GLG1: variants seen among roughly 807,000 people sequenced by gnomAD.
GLG1 encodes the protein golgi glycoprotein 1, also known as Golgi apparatus protein 1.
GLG1 carries 38 observed loss-of-function variants against 160.5 expected under a neutral mutation model. That is an observed-to-expected ratio of 0.24 (90% CI 0.18 to 0.31). The LOEUF (loss-of-function observed/expected upper bound fraction) is 0.31, where lower values mean the gene tolerates loss of function less well. Among genes scored for constraint, GLG1 ranks in the 10% least tolerant of loss-of-function variants. The pLI is 1.00. For synonymous variants in GLG1, 644 were observed against 543.4 expected (o/e 1.19, Z -2.57); for missense variants, 1,373 against 1,505.2 (o/e 0.91, Z 1.45).
intron 2 of GLG1, among the ~76,000 whole-genome samples, chr16:74,515,575 A>G (rs988397979): frequency 1.3e-5 from 2 of 151,894 alleles, no homozygotes; most frequent in Non-Finnish European, 2.9e-5. Context: ...GAAGGCAGGG[A>G]TAGCATTAGG....
chr16:74,549,629 A>G lies in GLG1; in HGVS notation c.439-17476T>C, dbSNP rs550817570. ...ATACATAGTGCCTAGCACAGCTAGCATAGCACGTTCAATATTTGCTCCAAG... is the reference window on the plus strand; with the variant it reads ...ATACATAGTGCCTAGCACAGCTAGCGTAGCACGTTCAATATTTGCTCCAAG... On this transcript the variant is annotated intron_variant, in intron 1 of 25. Coordinates refer to ENST00000422840, the MANE Select transcript of GLG1 (RefSeq NM_001145667.2). 2.6e-5 allele frequency among the ~76,000 whole-genome samples: 4 copies of G among 152,226 alleles called. No individual in the cohort carries two copies. In the East Asian group the frequency reaches 5.8e-4, roughly 22 times the overall value.
intron 25 of GLG1, among the ~76,000 whole-genome samples, chr16:74,456,244 C>G (rs1356916082): frequency 6.6e-6 from 1 of 152,240 alleles, no homozygotes; most frequent in Non-Finnish European, 1.5e-5. Flanking sequence ...AGGGCCCTGG[C>G]AAAGCCTTGC....
intron 12 of GLG1, among the ~76,000 whole-genome samples, chr16:74,475,590 T>C (rs1374825517): frequency 6.6e-6 from 1 of 152,228 alleles, no homozygotes; most frequent in East Asian, 1.9e-4. Context: ...TCTGTAGCAT[T>C]AGTCTATTAC....
intron 2 of GLG1, among the ~76,000 whole-genome samples, chr16:74,524,964 G>A (rs2017289682): frequency 6.6e-6 from 1 of 152,162 alleles, no homozygotes; most frequent in African/African-American, 2.4e-5. Context: ...GTTCATCCAT[G>A]TTGTAACATG....
chr16:74,452,362 C>T lies in GLG1; in HGVS notation c.*805G>A. The T allele has an allele frequency of 3.7e-6, 5 of 1,356,378 alleles. No homozygotes were observed. Among genetic ancestry groups the T allele is most frequent in the Non-Finnish European group, 4.8e-6 (5 of 1,050,080 alleles). The allele number at this position is 1,356,378 out of a possible 1,614,324, so 84.0% of individuals were successfully genotyped here. A position where few individuals can be genotyped will look rare whatever the true frequency, so the allele number is the denominator to read the frequency against. On this transcript the variant is annotated 3_prime_UTR_variant, in exon 26 of 26. Coordinates refer to ENST00000422840, the MANE Select transcript of GLG1 (RefSeq NM_001145667.2). ...TGCTGCCCCGGGACTCAGGATCCAG[C>T]CTCTCAGTGCAGATGGATGGACTGT...
chr16:74,530,477 C>A (rs1294249176), intron 2 of GLG1, among the ~76,000 whole-genome samples: 1 of 152,132 alleles, frequency 6.6e-6, no homozygotes, highest in African/African-American at 2.4e-5. Context: ...AAAGCAGCCA[C>A]TGGCAATACA....
intron 3 of GLG1, among the ~76,000 whole-genome samples, chr16:74,508,088 G>A (rs2016678495): frequency 6.6e-6 from 1 of 151,988 alleles, no homozygotes; most frequent in Admixed American, 6.6e-5. Context: ...ATGACACAAG[G>A]AACACAGGCT....
intron 13 of GLG1, chr16:74,472,715 G>C (rs2015250041): frequency 2.0e-6 from 1 of 501,602 alleles, no homozygotes; most frequent in Non-Finnish European, 3.6e-6. Context: ...CAAAGCCTTT[G>C]CAGATTTTCC....
At chr16:74,481,083 T>G (rs554827587) in intron 10 of GLG1, among the ~76,000 whole-genome samples, 1 of 152,192 alleles carries the variant, frequency 6.6e-6, no homozygotes, top group Non-Finnish European at 1.5e-5. Flanking sequence ...ACTTTTTACT[T>G]AATACTTTTT....
At position 74,553,594 on chromosome 16, in the gene GLG1, T is replaced by C. The variant is rs1204556948; in HGVS notation, c.439-21441A>G. On this transcript the variant is annotated intron_variant, in intron 1 of 25. Transcript: ENST00000422840. ...TTCACACCATTCTCCTGCCTCAGCC[T>C]CCCGAGTAGCTGGGACTACAGGTGC... Among the ~76,000 whole-genome samples the C allele has an allele frequency of 2.0e-5, 3 of 146,944 alleles. No individual in the cohort carries two copies. In the Admixed American group the frequency reaches 2.1e-4, roughly 10 times the overall value.
At chr16:74,495,072 A>T (rs2016136236) in intron 5 of GLG1, among the ~76,000 whole-genome samples, 1 of 151,196 alleles carries the variant, frequency 6.6e-6, no homozygotes, top group Non-Finnish European at 1.5e-5. Flanking sequence ...TATTTTGTTA[A>T]TTAGGGAACC....
At position 74,509,163 on chromosome 16, in the gene GLG1, ATTTTTTTT is replaced by A. The variant is rs11295055; in HGVS notation, c.472-246_472-239del. ...TTTTTGTCGTTTTTACTAAAGGACA[ATTTTTTTT>A]TTTTTTTTTTTTTTTTTTGAGACAG... On this transcript the variant is annotated intron_variant, in intron 2 of 25. Transcript: ENST00000422840. Among the ~76,000 whole-genome samples, 13 of 89,614 alleles carry A rather than the reference ATTTTTTTT, an allele frequency of 1.5e-4. No individual in the cohort carries two copies. In the South Asian group the frequency reaches 1.5e-3, roughly 10 times the overall value. 58.8% of individuals were successfully genotyped at this position (89,614 alleles called of 152,430 possible).
intron 2 of GLG1, among the ~76,000 whole-genome samples, chr16:74,520,412 G>A (rs978369409): frequency 6.6e-6 from 1 of 152,140 alleles, no homozygotes; most frequent in African/African-American, 2.4e-5. Flanking sequence ...CGAGGTGTGT[G>A]GATTACCTGA....
chr16:74,492,862 T>G, intron 7 of GLG1, 95 bp downstream of exon 7: 2 of 567,348 alleles, frequency 3.5e-6, no homozygotes, highest in Non-Finnish European at 5.3e-6. Flanking sequence ...AAGAAGCAAA[T>G]ATGGGAGGAA....
intron 1 of GLG1, among the ~76,000 whole-genome samples, chr16:74,551,470 A>ATTTTTTTT (rs10570582): frequency 7.8e-6 from 1 of 128,302 alleles, no homozygotes; most frequent in African/African-American, 2.9e-5. Context: ...ATGTCTGGCT[A>ATTTTTTTT]TTTTTTTTTT....
intron 19 of GLG1, among the ~76,000 whole-genome samples, chr16:74,465,157 A>G (rs1157161981): frequency 6.6e-6 from 1 of 152,142 alleles, no homozygotes; most frequent in Non-Finnish European, 1.5e-5. Flanking sequence ...AGTTTAATGT[A>G]TGTGTGGCGA....
chr16:74,502,729 T>G (rs865799559), intron 4 of GLG1, among the ~76,000 whole-genome samples: 18,995 of 137,568 alleles, frequency 0.14, 1,309 homozygotes, highest in Non-Finnish European at 0.17. Context: ...TTGGTTTTTT[T>G]TTTTTTTTTT....
At chr16:74,593,537 C>A (rs1474428273) in intron 1 of GLG1, among the ~76,000 whole-genome samples, 1 of 150,842 alleles carries the variant, frequency 6.6e-6, no homozygotes. Flanking sequence ...CAGGTTCAAG[C>A]GATTCTCCTG....
Position 74,483,007 on chromosome 16 carries a change from G to T in GLG1, c.1673+16C>A, listed in dbSNP as rs779711634. On this transcript the variant is annotated intron_variant, in intron 10 of 25. Coordinates refer to ENST00000422840, the MANE Select transcript of GLG1 (RefSeq NM_001145667.2). ...AGGCTGAGGCAATACATTTACTTTG[G>T]CTTCAAAATACTCACTTCCAATCCC... The T allele has an allele frequency of 8.8e-6, 12 of 1,364,704 alleles. No individual in the cohort carries two copies. In the East Asian group the frequency reaches 1.6e-4, roughly 18 times the overall value. The allele number at this position is 1,364,704 out of a possible 1,614,324, so 84.5% of individuals were successfully genotyped here.
Sources: allele counts gnomAD v4.1 joint callset (sites outside exome capture counted in the v4.1 genomes callset), GRCh38; gene constraint gnomAD v4.1.1; transcripts MANE v1.5; gene names NCBI Gene and HGNC (gene_info 2026-07-23, HGNC 2026-07-21).